CAST: variants seen among roughly 807,000 people sequenced by gnomAD.
CAST encodes the protein calpastatin.
CAST carries 76 observed loss-of-function variants against 119.6 expected under a neutral mutation model. The observed-to-expected ratio is 0.64, with a 90% CI of 0.53 to 0.77. The LOEUF is 0.77. Among genes scored for constraint, CAST ranks in the 30% least tolerant of loss-of-function variants. The probability of loss-of-function intolerance (pLI) is 0.00; values close to 1 mark genes in which losing one functional copy is unlikely to be tolerated. For synonymous variants in CAST, 319 were observed against 331.6 expected (o/e 0.96, Z 0.41); for missense variants, 953 against 946.5 (o/e 1.01, Z -0.09).
the CAST span, among the ~76,000 whole-genome samples, chr5:96,476,814 C>T: frequency 0.026 from 4,000 of 151,934 alleles, 67 homozygotes; most frequent in Non-Finnish European, 0.041. Flanking sequence ...TGTACACAAA[C>T]ACTCTTAAAA....
In CAST at chr5:96,748,622, C is replaced by A; in HGVS notation, c.1428+9C>A. 3 of 1,280,832 alleles carry A rather than the reference C, an allele frequency of 2.3e-6. No individual in the cohort carries two copies. Among genetic ancestry groups the A allele is most frequent in the South Asian group, 1.2e-5 (1 of 81,950 alleles). 79.3% of individuals were successfully genotyped at this position (1,280,832 alleles called of 1,614,324 possible). On this transcript the variant is annotated intron_variant, in intron 19 of 31. Transcript: ENST00000675179. ...CAACTGAAAAGACAGAAGTATGTTTCTAAACATATAAATCTCTAGTTTTGA... is the reference window on the plus strand; with the variant it reads ...CAACTGAAAAGACAGAAGTATGTTTATAAACATATAAATCTCTAGTTTTGA...
intron 1 of CAST, among the ~76,000 whole-genome samples, chr5:96,561,796 G>GTTTTTTTTTTGTTTTT (rs1554067789): frequency 1.0e-5 from 1 of 97,422 alleles, no homozygotes; most frequent in African/African-American, 3.8e-5. Flanking sequence ...GTTTTTTTTT[G>GTTTTTTTTTTGTTTTT]TTTTTTTTTT....
the CAST span, among the ~76,000 whole-genome samples, chr5:96,149,496 A>G: frequency 1.9e-4 from 29 of 152,338 alleles, no homozygotes; most frequent in East Asian, 5.2e-3. Context: ...AGAACATGGC[A>G]TCAGCCTCAT....
intron 1 of CAST, among the ~76,000 whole-genome samples, chr5:96,675,052 TAGA>T (rs1423387534): frequency 6.6e-6 from 1 of 152,190 alleles, no homozygotes; most frequent in Non-Finnish European, 1.5e-5. Flanking sequence ...CCATAACACA[TAGA>T]AGAAGTTGCA....
At chr5:96,529,025 T>G (rs540686789), upstream of CAST, among the ~76,000 whole-genome samples, 6 of 152,364 alleles carry the variant, frequency 3.9e-5, no homozygotes, top group Admixed American at 2.0e-4. Flanking sequence ...TCAATCCATC[T>G]GATCTATTTG....
In CAST at chr5:96,534,753, GAAAGAAAGAAAGAA is replaced by G. The variant is rs1561408926; in HGVS notation, c.60+4875_60+4888del. 2.2e-3 allele frequency among the ~76,000 whole-genome samples: 100 copies of G among 44,592 alleles called. 2 individuals carry two copies. Among genetic ancestry groups the G allele is most frequent in the African/African-American group, 6.7e-3 (82 of 12,300 alleles). 29.3% of individuals were successfully genotyped at this position (44,592 alleles called of 152,430 possible). A position where few individuals can be genotyped will look rare whatever the true frequency, so the allele number is the denominator to read the frequency against. On this transcript the variant is annotated intron_variant, in intron 1 of 11. Coordinates refer to the CAST transcript ENST00000505143. ...AGAGAGAGAGAGAGAAAGAAAGAAA[GAAAGAAAGAAAGAA>G]AGAAAGAAAGAAAGAAAGAAAGAAA...
At chr5:95,999,420 G>A in the CAST span, among the ~76,000 whole-genome samples, 1 of 152,054 alleles carries the variant, frequency 6.6e-6, no homozygotes, top group Non-Finnish European at 1.5e-5. Flanking sequence ...TGTGATCATA[G>A]CTCACTGCAA....
the CAST span, among the ~76,000 whole-genome samples, chr5:96,191,756 G>C: frequency 3.3e-5 from 5 of 152,230 alleles, no homozygotes; most frequent in Admixed American, 3.3e-4. Flanking sequence ...TTTTAGTAGA[G>C]ATGGGGTTTC....
At chr5:96,324,228 C>T in the CAST span, among the ~76,000 whole-genome samples, 1 of 152,166 alleles carries the variant, frequency 6.6e-6, no homozygotes, top group African/African-American at 2.4e-5. Flanking sequence ...GAGCTGTCTC[C>T]ATTTCTTAAT....
chr5:96,634,742 C>T (rs1034169407), intron 1 of CAST, among the ~76,000 whole-genome samples: 25 of 152,232 alleles, frequency 1.6e-4, no homozygotes, highest in African/African-American at 5.8e-4. Context: ...TAATCCCTAC[C>T]TAACCCCTGT....
the CAST span, among the ~76,000 whole-genome samples, chr5:96,503,658 C>T: frequency 2.6e-5 from 4 of 152,232 alleles, no homozygotes; most frequent in South Asian, 4.2e-4. Flanking sequence ...AGAAACCATC[C>T]GCTTAATGTC....
the CAST span, among the ~76,000 whole-genome samples, chr5:96,455,501 T>G: frequency 1.3e-5 from 2 of 151,938 alleles, no homozygotes; most frequent in African/African-American, 4.8e-5. Context: ...ATTTGAAGAG[T>G]TCAGACCAGA....
chr5:96,165,478 C>G, the CAST span, among the ~76,000 whole-genome samples: 2 of 152,140 alleles, frequency 1.3e-5, no homozygotes, highest in Non-Finnish European at 2.9e-5. Context: ...TGCTGAATAA[C>G]TACCCAATGG....
intron 1 of CAST, among the ~76,000 whole-genome samples, chr5:96,580,097 T>C (rs192090565): frequency 6.1e-4 from 93 of 152,334 alleles, no homozygotes; most frequent in African/African-American, 2.1e-3. Flanking sequence ...TCTTTTCCCA[T>C]AAGGCTAGTC....
chr5:96,355,231 C>T, the CAST span, among the ~76,000 whole-genome samples: 1 of 145,194 alleles, frequency 6.9e-6, no homozygotes, highest in Admixed American at 7.2e-5. Flanking sequence ...CTCCCTGTGT[C>T]CATGTGTTCT....
intron 1 of CAST, among the ~76,000 whole-genome samples, chr5:96,560,110 A>T (rs1349249314): frequency 6.6e-6 from 1 of 152,164 alleles, no homozygotes; most frequent in African/African-American, 2.4e-5. Context: ...TAGGGAAAGG[A>T]TTCCCTATTT....
At chr5:96,256,917 T>G in the CAST span, among the ~76,000 whole-genome samples, 60 of 152,286 alleles carry the variant, frequency 3.9e-4, no homozygotes, top group African/African-American at 1.3e-3. Context: ...ATTTAATTGA[T>G]GACACTGGCA....
the CAST span, among the ~76,000 whole-genome samples, chr5:96,206,276 G>A: frequency 2.0e-5 from 3 of 151,816 alleles, no homozygotes; most frequent in African/African-American, 7.2e-5. Flanking sequence ...TGTTGATAGT[G>A]TCTTTTGCTG....
At chr5:96,063,955 C>T in the CAST span, among the ~76,000 whole-genome samples, 2 of 152,104 alleles carry the variant, frequency 1.3e-5, no homozygotes, top group Admixed American at 6.6e-5. Context: ...CATTAGTGTA[C>T]GTGAGACTGT....
Sources: allele counts gnomAD v4.1 joint callset (sites outside exome capture counted in the v4.1 genomes callset), GRCh38; gene constraint gnomAD v4.1.1; transcripts MANE v1.5; gene names NCBI Gene and HGNC (gene_info 2026-07-23, HGNC 2026-07-21).